GTF2E1: variants seen among roughly 807,000 people sequenced by gnomAD.
GTF2E1 encodes the protein general transcription factor IIE subunit 1, also known as TFIIE alpha subunit.
In GTF2E1, 14 loss-of-function variants were observed where a neutral mutation model predicts 34.9. The ratio of observed to expected loss-of-function variants is 0.40; its 90% CI spans 0.27 to 0.63. The LOEUF (loss-of-function observed/expected upper bound fraction) is 0.63. Among genes scored for constraint, GTF2E1 ranks in the 20% least tolerant of loss-of-function variants. GTF2E1 has a pLI of 0.39. For synonymous variants in GTF2E1, 188 were observed against 192.9 expected, an observed-to-expected ratio of 0.97 and a Z score of 0.21; for missense variants, 469 against 557.7, an observed-to-expected ratio of 0.84 and a Z score of 1.60.
intron 3 of GTF2E1, 116 bp downstream of exon 3, chr3:120,771,045 G>A: frequency 2.5e-6 from 2 of 807,320 alleles, no homozygotes; most frequent in Non-Finnish European, 4.3e-6. Flanking sequence ...AGACTGTAAT[G>A]TTACGTAGGT....
At chr3:120,765,421 T>C (rs1406418204) in intron 2 of GTF2E1, among the ~76,000 whole-genome samples, 2 of 152,348 alleles carry the variant, frequency 1.3e-5, no homozygotes, top group Admixed American at 6.5e-5. Flanking sequence ...CAGGCACTTA[T>C]GTTTGTTAAA....
intron 2 of GTF2E1, among the ~76,000 whole-genome samples, chr3:120,760,005 A>T (rs1038074073): frequency 6.6e-6 from 1 of 152,186 alleles, no homozygotes; most frequent in Non-Finnish European, 1.5e-5. Flanking sequence ...TGGGGATAAC[A>T]TTGAATCTAT....
At chr3:120,760,961 C>T (rs887856262) in intron 2 of GTF2E1, among the ~76,000 whole-genome samples, 6 of 152,098 alleles carry the variant, frequency 3.9e-5, no homozygotes, top group African/African-American at 9.7e-5. Context: ...AGGAGGATTT[C>T]CTCTTTTTCT....
intron 2 of GTF2E1, among the ~76,000 whole-genome samples, chr3:120,756,305 G>C (rs1003645872): frequency 7.2e-5 from 11 of 152,098 alleles, no homozygotes; most frequent in Non-Finnish European, 1.6e-4. Context: ...CTTATAAGCA[G>C]TGTTTTCAAT....
intron 1 of GTF2E1, among the ~76,000 whole-genome samples, chr3:120,748,686 A>G (rs1709132345): frequency 2.0e-5 from 3 of 152,074 alleles, no homozygotes; most frequent in Admixed American, 6.5e-5. Context: ...AGGTAGCGTG[A>G]TGCCTCCAGC....
chr3:120,781,946 C>T lies in GTF2E1; in HGVS notation c.*476C>T, dbSNP rs1440945998. On this transcript the variant is annotated 3_prime_UTR_variant, in exon 5 of 5. Transcript: ENST00000283875. ...AGCCAGGATGATCTCGATCTCCTGA[C>T]CTCATGATCCACCCGCCTCGGCCTC... 1.3e-5 allele frequency: 2 copies of T among 154,088 alleles called. No homozygotes were observed. Among genetic ancestry groups the T allele is most frequent in the African/African-American group, 2.4e-5 (1 of 41,368 alleles). 9.5% of individuals were successfully genotyped at this position (154,088 alleles called of 1,614,324 possible).
At chr3:120,757,558 G>C (rs1576357926) in intron 2 of GTF2E1, among the ~76,000 whole-genome samples, 1 of 152,110 alleles carries the variant, frequency 6.6e-6, no homozygotes, top group East Asian at 1.9e-4. Flanking sequence ...CCTGTCATGT[G>C]TGTTACTGTT....
At chr3:120,763,194 T>C (rs1460128843) in intron 2 of GTF2E1, among the ~76,000 whole-genome samples, 1 of 152,204 alleles carries the variant, frequency 6.6e-6, no homozygotes, top group African/African-American at 2.4e-5. Flanking sequence ...ATGAATTTGA[T>C]TTGGGCCTAA....
At chr3:120,760,321 AT>A (rs370023549) in intron 2 of GTF2E1, among the ~76,000 whole-genome samples, 85 of 152,254 alleles carry the variant, frequency 5.6e-4, no homozygotes, top group South Asian at 1.7e-3. Flanking sequence ...GGTGAAGGAG[AT>A]TTTGGGCTGA....
intron 2 of GTF2E1, among the ~76,000 whole-genome samples, chr3:120,768,855 T>G (rs1709329669): frequency 6.6e-6 from 1 of 152,218 alleles, no homozygotes; most frequent in African/African-American, 2.4e-5. Context: ...TTACCCTTTG[T>G]TACCAAATAT....
At position 120,759,251 on chromosome 3, in the gene GTF2E1, CTGTT is replaced by C. The variant is rs538420548; in HGVS notation, c.448+8252_448+8255del. On this transcript the variant is annotated intron_variant, in intron 2 of 4. Coordinates refer to ENST00000283875, the MANE Select transcript of GTF2E1 (RefSeq NM_005513.3). ...ATAAATGTCTTCTTTTGAGAAGTGT[CTGTT>C]CATATCCTTTGCCCACTTTTTGATG... 1.7e-4 allele frequency among the ~76,000 whole-genome samples: 26 copies of C among 152,244 alleles called. 2 individuals carry two copies. The South Asian group carries it at 5.2e-3, about 30-fold the overall frequency.
intron 1 of GTF2E1, among the ~76,000 whole-genome samples, chr3:120,743,573 G>T (rs1255687663): frequency 1.3e-5 from 2 of 152,184 alleles, no homozygotes; most frequent in Non-Finnish European, 2.9e-5. Flanking sequence ...TAGACATGGA[G>T]AAAGTACAAG....
At chr3:120,774,580 TAGC>T (rs1049782799) in intron 3 of GTF2E1, among the ~76,000 whole-genome samples, 3 of 145,956 alleles carry the variant, frequency 2.1e-5, no homozygotes, top group African/African-American at 7.6e-5. Context: ...CAGAAAGAAA[TAGC>T]AGAGAGAAAC....
At chr3:120,757,711 C>T (rs1049939488) in intron 2 of GTF2E1, among the ~76,000 whole-genome samples, 9 of 151,990 alleles carry the variant, frequency 5.9e-5, no homozygotes, top group South Asian at 2.1e-4. Flanking sequence ...GATATTCCCC[C>T]GAACATTATG....
At chr3:120,764,800 ATTTGTATTTATTTATTTATTCTC>A (rs1479116389) in intron 2 of GTF2E1, among the ~76,000 whole-genome samples, 1 of 152,026 alleles carries the variant, frequency 6.6e-6, no homozygotes, top group East Asian at 1.9e-4. Flanking sequence ...CTTTGGTTTT[ATTTGTATTTATTTATTTATTCTC>A]TTGACTGAAT....
At position 120,742,804 on chromosome 3, in the gene GTF2E1, G is replaced by A; in HGVS notation, c.-31+10G>A. 6 of 456,198 alleles carry A rather than the reference G, an allele frequency of 1.3e-5. No individual in the cohort carries two copies. In the South Asian group the frequency reaches 1.4e-4, roughly 10 times the overall value. The allele number at this position is 456,198 out of a possible 1,614,324, so 28.3% of individuals were successfully genotyped here. On this transcript the variant is annotated intron_variant, in intron 1 of 4. Transcript: ENST00000283875. ...TCCAGGATTCGCCTTGGTAAACCTT[G>A]TTCCCTGTTCCTTGTTCGGAGTTCC...
intron 2 of GTF2E1, among the ~76,000 whole-genome samples, chr3:120,758,754 T>C (rs1709232047): frequency 6.6e-6 from 1 of 152,206 alleles, no homozygotes; most frequent in African/African-American, 2.4e-5. Context: ...CATGAACTTA[T>C]CTTTTTTATG....
At chr3:120,759,796 G>T (rs925943463) in intron 2 of GTF2E1, among the ~76,000 whole-genome samples, 1 of 152,170 alleles carries the variant, frequency 6.6e-6, no homozygotes, top group Non-Finnish European at 1.5e-5. Flanking sequence ...CCATTGGTCT[G>T]TATATCTGCT....
At position 120,781,060 on chromosome 3, in the gene GTF2E1, G is replaced by C. The variant is rs140000454; in HGVS notation, c.910G>C (p.Ala304Pro). 5.0e-6 allele frequency: 8 copies of C among 1,611,290 alleles called. No homozygotes were observed. The African/African-American group carries it at 6.7e-5, about 13-fold the overall frequency. Residue 304 changes from alanine to proline, a missense_variant, in exon 5 of 5, where the codon GCA becomes CCA. Coordinates refer to ENST00000283875, the MANE Select transcript of GTF2E1 (RefSeq NM_005513.3). ...DMKEGGIDMD[A>P]FQEREEGHAG... ...CTCCCCAGGGGGCATAGATATGGAC[G>C]CATTTCAGGAGCGTGAGGAAGGCCA... is the stretch of plus-strand genomic sequence containing the variant.
Sources: gnomAD v4.1 joint callset for allele counts (sites outside exome capture counted in the v4.1 genomes callset) on GRCh38, gnomAD v4.1.1 for gene constraint, MANE v1.5 for transcripts, NCBI Gene and HGNC (gene_info 2026-07-23, HGNC 2026-07-21) for gene names.